GLG1: variants seen among roughly 807,000 people sequenced by gnomAD.
GLG1 encodes golgi glycoprotein 1, also known as Golgi apparatus protein 1.
Under a neutral mutation model 160.5 loss-of-function variants are expected in GLG1, and 38 were observed. The ratio of observed to expected loss-of-function variants is 0.24; its 90% CI spans 0.18 to 0.31. The LOEUF is 0.31. GLG1 is among the 10% of genes least tolerant of loss of function. The pLI is 1.00. For missense variants in GLG1, 1,373 were observed against 1,505.2 expected (o/e 0.91, Z 1.45); for synonymous variants, 644 against 543.4 (o/e 1.19, Z -2.57).
chr16:74,584,946 T>C (rs1958013579), intron 1 of GLG1, among the ~76,000 whole-genome samples: 1 of 151,766 alleles, frequency 6.6e-6, no homozygotes, highest in Non-Finnish European at 1.5e-5. Flanking sequence ...CCCTACACAC[T>C]GGGTACAGTG....
chr16:74,523,916 A>T (rs773739596), intron 2 of GLG1, among the ~76,000 whole-genome samples: 5 of 148,586 alleles, frequency 3.4e-5, no homozygotes, highest in Admixed American at 1.3e-4. Flanking sequence ...AGTGCATTTT[A>T]AAAAAAATAA....
intron 2 of GLG1, among the ~76,000 whole-genome samples, chr16:74,513,594 GCATCAA>G (rs1336780708): frequency 1.3e-5 from 2 of 152,102 alleles, no homozygotes; most frequent in Non-Finnish European, 1.5e-5. Context: ...GAAAGGAATA[GCATCAA>G]CATCAACATC....
At chr16:74,565,533 C>T (rs2018630979) in intron 1 of GLG1, among the ~76,000 whole-genome samples, 1 of 152,218 alleles carries the variant, frequency 6.6e-6, no homozygotes, top group Non-Finnish European at 1.5e-5. Context: ...TCACAGCAGC[C>T]ATACTTCACT....
intron 1 of GLG1, among the ~76,000 whole-genome samples, chr16:74,533,287 C>T (rs1448567451): frequency 6.6e-6 from 1 of 152,216 alleles, no homozygotes; most frequent in Non-Finnish European, 1.5e-5. Flanking sequence ...CACCACTGCA[C>T]TCCGGCCTGG....
intron 2 of GLG1, among the ~76,000 whole-genome samples, chr16:74,516,266 C>T (rs2016975378): frequency 6.6e-6 from 1 of 151,688 alleles, no homozygotes; most frequent in South Asian, 2.1e-4. Context: ...TTTTCAGCAC[C>T]ACACCACACC....
chr16:74,473,631 G>A (rs538369839), intron 13 of GLG1, among the ~76,000 whole-genome samples: 41 of 151,850 alleles, frequency 2.7e-4, no homozygotes, highest in African/African-American at 7.5e-4. Flanking sequence ...TAGTACAGAC[G>A]GGGTTTCACC....
At chr16:74,479,051 CA>C (rs34125450) in intron 11 of GLG1, among the ~76,000 whole-genome samples, 467 of 17,534 alleles carry the variant, frequency 0.027, 3 homozygotes, top group Middle Eastern at 0.083. Flanking sequence ...ATTAAAAATC[CA>C]AAAAAAAAAA....
chr16:74,456,372 G>A (rs996248639), intron 25 of GLG1, among the ~76,000 whole-genome samples: 4 of 152,204 alleles, frequency 2.6e-5, no homozygotes, highest in Non-Finnish European at 4.4e-5. Flanking sequence ...GTGTTGGCCA[G>A]GTTGGTCTCG....
intron 4 of GLG1, among the ~76,000 whole-genome samples, chr16:74,498,509 TAC>T (rs2016294672): frequency 7.4e-6 from 1 of 134,970 alleles, no homozygotes; most frequent in Non-Finnish European, 1.6e-5. Flanking sequence ...CTATCATTTA[TAC>T]ACACGCAATT....
intron 1 of GLG1, among the ~76,000 whole-genome samples, chr16:74,571,196 A>G (rs2018817017): frequency 6.6e-6 from 1 of 152,036 alleles, no homozygotes; most frequent in African/African-American, 2.4e-5. Context: ...CCAACAAACT[A>G]CCAGACATGT....
intron 1 of GLG1, among the ~76,000 whole-genome samples, chr16:74,605,515 G>A (rs1958545841): frequency 6.6e-6 from 1 of 152,176 alleles, no homozygotes; most frequent in Non-Finnish European, 1.5e-5. Context: ...TATCCCTCTA[G>A]TCGTTAAGCT....
At chr16:74,482,034 C>T (rs1247118698) in intron 10 of GLG1, among the ~76,000 whole-genome samples, 1 of 152,130 alleles carries the variant, frequency 6.6e-6, no homozygotes, top group East Asian at 1.9e-4. Flanking sequence ...GTTCTCCTCC[C>T]ACCTCGGACT....
At chr16:74,557,816 G>A (rs917194636) in intron 1 of GLG1, among the ~76,000 whole-genome samples, 2 of 151,818 alleles carry the variant, frequency 1.3e-5, no homozygotes, top group African/African-American at 2.4e-5. Context: ...CAACTCCTGG[G>A]TTCAAGTAAT....
At chr16:74,494,336 G>C (rs1381843736) in intron 6 of GLG1, among the ~76,000 whole-genome samples, 3 of 150,782 alleles carry the variant, frequency 2.0e-5, no homozygotes, top group Admixed American at 2.0e-4. Flanking sequence ...AAAGCGGTGA[G>C]CTTTATCAGT....
chr16:74,460,575 C>A (rs974928816), intron 22 of GLG1, among the ~76,000 whole-genome samples: 1 of 152,236 alleles, frequency 6.6e-6, no homozygotes. Flanking sequence ...GGCAGTAGCA[C>A]TGCTATCACC....
intron 1 of GLG1, among the ~76,000 whole-genome samples, chr16:74,543,521 G>C (rs1410728795): frequency 1.3e-5 from 2 of 152,114 alleles, no homozygotes; most frequent in African/African-American, 4.8e-5. Flanking sequence ...GTTTGCAAAT[G>C]TTAGTAATGT....
intron 1 of GLG1, among the ~76,000 whole-genome samples, chr16:74,580,959 C>T (rs1027954529): frequency 3.9e-5 from 6 of 152,090 alleles, no homozygotes; most frequent in African/African-American, 1.2e-4. Flanking sequence ...GGCAACAGAG[C>T]GAGACTACGT....
At chr16:74,603,734 A>G (rs545946232) in intron 1 of GLG1, among the ~76,000 whole-genome samples, 1 of 152,284 alleles carries the variant, frequency 6.6e-6, no homozygotes, top group East Asian at 1.9e-4. Context: ...CTTATCACAT[A>G]CTAAGCAACA....
intron 15 of GLG1, 137 bp from the exon 16 acceptor site, chr16:74,470,210 C>A: frequency 1.5e-6 from 1 of 660,158 alleles, no homozygotes; most frequent in Admixed American, 2.2e-5. Context: ...TGAGACATCA[C>A]GACCTGCTCA....
Sources: allele counts gnomAD v4.1 joint callset (sites outside exome capture counted in the v4.1 genomes callset), GRCh38; gene constraint gnomAD v4.1.1; transcripts MANE v1.5; gene names NCBI Gene and HGNC (gene_info 2026-07-23, HGNC 2026-07-21).